Variants in NDUFA9 observed in about 807,000 individuals in gnomAD.
NDUFA9 encodes NADH dehydrogenase [ubiquinone] 1 alpha subcomplex subunit 9, mitochondrial.
A neutral mutation model predicts 45.9 loss-of-function variants in NDUFA9; 23 were observed. That is an observed-to-expected ratio of 0.50 (90% confidence interval 0.36 to 0.71). NDUFA9 has a LOEUF of 0.71. NDUFA9 is among the 30% of genes least tolerant of loss of function. The pLI, the probability that NDUFA9 is intolerant of heterozygous loss-of-function variation, is 0.00. For synonymous variants in NDUFA9, 176 were observed against 170.5 expected (o/e 1.03, Z -0.25); for missense variants, 466 against 488.2 (o/e 0.95, Z 0.43).
intron 4 of NDUFA9, among the ~76,000 whole-genome samples, chr12:4,658,513 G>A (rs1456435316): frequency 6.6e-6 from 1 of 152,048 alleles, no homozygotes; most frequent in African/African-American, 2.4e-5. Flanking sequence ...CTTGTTTTTA[G>A]TTTCTTTTTT....
At chr12:4,676,410 A>G (rs1312097193) in intron 8 of NDUFA9, among the ~76,000 whole-genome samples, 2 of 152,220 alleles carry the variant, frequency 1.3e-5, no homozygotes, top group African/African-American at 4.8e-5. Flanking sequence ...TCAGCCCCAA[A>G]TCTCCTTAGC....
intron 8 of NDUFA9, 147 bp from the exon 9 acceptor site, chr12:4,682,058 G>T (rs577629321): frequency 4.3e-6 from 2 of 462,590 alleles, no homozygotes; most frequent in Admixed American, 3.8e-5. Flanking sequence ...TTTCATAATG[G>T]GATTATGGGT....
In NDUFA9 at chr12:4,657,792, A is replaced by T. The variant is rs199712789; in HGVS notation, c.363A>T (p.Gln121His). The change falls in exon 4 of 11, where the codon CAA (glutamine) becomes CAT (histidine). Residue 121 changes from glutamine (Q) to histidine (H), a missense_variant. Physicochemically the swap from Gln to His is conservative, Grantham distance 24. Coordinates refer to ENST00000266544, the MANE Select transcript of NDUFA9 (RefSeq NM_005002.5). ...AAGATTCTATCCGACGAGTAGTACA[A>T]CACAGCAATGTGGTCATCAATCTTA... is the stretch of plus-strand genomic sequence containing the variant. ...RDKDSIRRVV[Q>H]HSNVVINLIG... The T allele has an allele frequency of 3.1e-6, 5 of 1,613,840 alleles. No homozygotes were observed. The South Asian group carries it at 4.4e-5, about 14-fold the overall frequency.
At position 4,654,478 on chromosome 12, in the gene NDUFA9, T is replaced by G; in HGVS notation, c.220+16T>G. On this transcript the variant is annotated intron_variant, in intron 2 of 10. Transcript: ENST00000266544. The stretch of plus-strand genomic sequence containing the variant: ...AACCACCTTGGTAAGTAAAGTTCCT[T>G]AAGTTCATATGCTCCATTGCCATTG... 1.9e-6 allele frequency: 3 copies of G among 1,613,136 alleles called. No individual in the cohort carries two copies. The Middle Eastern group carries it at 5.0e-4, about 266-fold the overall frequency.
At chr12:4,649,567 T>C (rs1296245119) in intron 1 of NDUFA9, among the ~76,000 whole-genome samples, 1 of 152,160 alleles carries the variant, frequency 6.6e-6, no homozygotes, top group Non-Finnish European at 1.5e-5. Context: ...CTTAGATTGA[T>C]TTTATGACCT....
intron 6 of NDUFA9, among the ~76,000 whole-genome samples, chr12:4,665,632 T>G (rs764249988): frequency 8.5e-5 from 13 of 152,190 alleles, no homozygotes; most frequent in Non-Finnish European, 1.3e-4. Flanking sequence ...TATTTTTACT[T>G]TTTCGACAAG....
chr12:4,686,504 C>T (rs1485426375), intron 10 of NDUFA9, among the ~76,000 whole-genome samples: 2 of 151,692 alleles, frequency 1.3e-5, no homozygotes, highest in Non-Finnish European at 2.9e-5. Flanking sequence ...TCAGAACGCC[C>T]GTGCTCAGAA....
At chr12:4,657,088 T>C (rs1378213350) in intron 3 of NDUFA9, 1 of 152,304 alleles carries the variant, frequency 6.6e-6, no homozygotes, top group Admixed American at 6.5e-5. Flanking sequence ...TGTGCACTTA[T>C]TATTTGGTGC....
At chr12:4,677,330 A>C (rs189417488) in intron 8 of NDUFA9, among the ~76,000 whole-genome samples, 228 of 152,376 alleles carry the variant, frequency 1.5e-3, no homozygotes, top group African/African-American at 5.3e-3. Context: ...GAGCTTCTGC[A>C]CAGCAAAAGA....
intron 6 of NDUFA9, among the ~76,000 whole-genome samples, chr12:4,663,033 G>A (rs910005100): frequency 2.6e-5 from 4 of 152,128 alleles, no homozygotes; most frequent in African/African-American, 7.2e-5. Context: ...TGTCTCTATA[G>A]TTTTGCCTTT....
intron 6 of NDUFA9, among the ~76,000 whole-genome samples, chr12:4,665,606 T>C (rs769423669): frequency 1.3e-5 from 2 of 152,208 alleles, no homozygotes; most frequent in Non-Finnish European, 2.9e-5. Flanking sequence ...TGGAATTCTG[T>C]AGCATATGGT....
rs79699154 is a variant in NDUFA9 at position 4,666,388 on chromosome 12, G to C, written c.656-2069G>C. Among the ~76,000 whole-genome samples the C allele has an allele frequency of 6.2e-3, 941 of 152,178 alleles. 14 individuals carry two copies. The highest frequency in any genetic ancestry group is 0.022 in the African/African-American group (900 of 41,530). On this transcript the variant is annotated intron_variant, in intron 6 of 10. Transcript: ENST00000266544. ...TTTGATGCACAGAAGTTTTAATTTT[G>C]ATGTAGTCAGGCTTATCTATTTTTA...
intron 8 of NDUFA9, among the ~76,000 whole-genome samples, chr12:4,673,905 G>C (rs1317102224): frequency 6.6e-6 from 1 of 152,142 alleles, no homozygotes; most frequent in Non-Finnish European, 1.5e-5. Flanking sequence ...AAAATATTAA[G>C]GGCAGCCAGA....
intron 10 of NDUFA9, 65 bp downstream of exon 10, chr12:4,685,390 G>T (rs1945979614): frequency 6.9e-7 from 1 of 1,455,318 alleles, no homozygotes; most frequent in African/African-American, 1.4e-5. Flanking sequence ...ATTTTGCTTT[G>T]CCTGCTTGCT....
intron 6 of NDUFA9, among the ~76,000 whole-genome samples, chr12:4,666,647 G>A (rs376084787): frequency 5.3e-5 from 8 of 152,244 alleles, no homozygotes; most frequent in African/African-American, 1.9e-4. Flanking sequence ...CCATTGAATG[G>A]TCTTGGTGCT....
chr12:4,687,164 A>G lies in NDUFA9; in HGVS notation c.*56A>G, dbSNP rs1325387349. On this transcript the variant is annotated 3_prime_UTR_variant, in exon 11 of 11. Transcript: ENST00000266544. ...CTTTTGGGTCGGCCCATGTGGTTTG[A>G]GCACCCAGCCAGGCGGTCTCTTTAG... 1 of 1,560,938 alleles carries G rather than the reference A, an allele frequency of 6.4e-7. No homozygotes were observed. Among genetic ancestry groups the G allele is most frequent in the East Asian group, 2.3e-5 (1 of 43,726 alleles).
chr12:4,666,099 C>T (rs999210930), intron 6 of NDUFA9, among the ~76,000 whole-genome samples: 1 of 152,246 alleles, frequency 6.6e-6, no homozygotes, highest in Admixed American at 6.5e-5. Context: ...GCCACCACGC[C>T]TGGCAACAAT....
intron 4 of NDUFA9, among the ~76,000 whole-genome samples, chr12:4,658,073 A>AT (rs2137464778): frequency 6.6e-6 from 1 of 152,312 alleles, no homozygotes; most frequent in African/African-American, 2.4e-5. Flanking sequence ...AGTAGGTGGT[A>AT]TTGGTGTGGC....
chr12:4,664,211 G>C (rs1945840193), intron 6 of NDUFA9, among the ~76,000 whole-genome samples: 1 of 152,222 alleles, frequency 6.6e-6, no homozygotes, highest in African/African-American at 2.4e-5. Flanking sequence ...TTGTTTTGAA[G>C]AGAACACTAA....
Sources: gnomAD v4.1 joint callset for allele counts (sites outside exome capture counted in the v4.1 genomes callset) on GRCh38, gnomAD v4.1.1 for gene constraint, MANE v1.5 for transcripts, NCBI Gene and HGNC (gene_info 2026-07-23, HGNC 2026-07-21) for gene names.